The following KIAA1210 variants were observed in gnomAD, a reference collection of about 807,000 sequenced individuals.
KIAA1210 encodes the protein acrosomal protein KIAA1210.
Under a neutral mutation model 78.9 loss-of-function variants are expected in KIAA1210, and 48 were observed. The ratio of observed to expected loss-of-function variants is 0.61; its 90% CI spans 0.48 to 0.77. The LOEUF (loss-of-function observed/expected upper bound fraction) is 0.77, where lower values mean the gene tolerates loss of function less well. Among genes scored for constraint, KIAA1210 ranks in the 30% least tolerant of loss-of-function variants. The pLI is 0.00. For missense variants in KIAA1210, 1,108 were observed against 1,100.0 expected, an observed-to-expected ratio of 1.01 and a Z score of -0.10; for synonymous variants, 406 against 404.5, an observed-to-expected ratio of 1.00 and a Z score of -0.04.
rs758228331 is a variant in KIAA1210, at chrX:119,087,762, T to C, written c.2940A>G (p.Gln980=). Residue 980 remains glutamine (Q), a synonymous_variant, in exon 9 of 12, where the codon CAA becomes CAG. Coordinates refer to ENST00000691062, the MANE Select transcript of KIAA1210 (RefSeq NM_001394962.1). ...ACCTCTTTAAGAACTGGGTAGCATA[T>C]TGGGGAGGCAATGGACTCCCAGAAA... ...ADISGSPLPP[Q]YATQFLKRSK... is the part of the protein sequence containing the mutation. The C allele has an allele frequency of 5.0e-6, 6 of 1,210,279 alleles. No homozygotes were observed. Among genetic ancestry groups the C allele is most frequent in the East Asian group, 5.9e-5 (2 of 33,766 alleles).
At chrX:119,113,774 G>A (rs1393154017) in intron 3 of KIAA1210, among the ~76,000 whole-genome samples, 6 of 111,475 alleles carry the variant, frequency 5.4e-5, no homozygotes, top group East Asian at 2.8e-4. Context: ...GATTAGACAC[G>A]AAAAAATAAA....
intron 1 of KIAA1210, among the ~76,000 whole-genome samples, chrX:119,124,801 A>G (rs1051012434): frequency 9.1e-6 from 1 of 110,363 alleles, no homozygotes; most frequent in African/African-American, 3.3e-5. Flanking sequence ...AGGCGGGAGG[A>G]TCACTTGAAC....
chrX:119,080,797 T>G lies in KIAA1210; in HGVS notation c.*532A>C, dbSNP rs978820998. The G allele has an allele frequency of 8.9e-6, 1 of 112,550 alleles. No individual in the cohort carries two copies. The highest frequency in any genetic ancestry group is 1.9e-5 in the Non-Finnish European group (1 of 53,375). 9.3% of individuals were successfully genotyped at this position (112,550 alleles called of 1,213,427 possible). On this transcript the variant is annotated 3_prime_UTR_variant, in exon 12 of 12. Transcript: ENST00000691062. ...AGGTTAAGCATTCATGGCATTTATT[T>G]CATTCAAATAATTATGTTTTAATTT... is the stretch of plus-strand genomic sequence containing the variant.
At chrX:119,144,124 A>G (rs1002120556) in intron 2 of KIAA1210, among the ~76,000 whole-genome samples, 19 of 112,166 alleles carry the variant, frequency 1.7e-4, no homozygotes, top group Non-Finnish European at 2.8e-4. Flanking sequence ...CTCCTTCATT[A>G]GGAGCCTGGG....
chrX:119,085,263 G>T, intron 10 of KIAA1210, 120 bp downstream of exon 10: 1 of 656,526 alleles, frequency 1.5e-6, no homozygotes, highest in Non-Finnish European at 2.4e-6. Context: ...GAGTCCTCCT[G>T]CCTTGATTAA....
intron 2 of KIAA1210, among the ~76,000 whole-genome samples, chrX:119,122,971 A>T (rs1928514161): frequency 8.9e-6 from 1 of 112,540 alleles, no homozygotes; most frequent in Non-Finnish European, 1.9e-5. Context: ...GTTCAATTCA[A>T]TTCTGTCTTT....
intron 6 of KIAA1210, among the ~76,000 whole-genome samples, chrX:119,104,119 A>G (rs375489478): frequency 5.3e-5 from 6 of 112,349 alleles, no homozygotes; most frequent in African/African-American, 1.6e-4. Flanking sequence ...TCTGTATTTT[A>G]CTACAATAAA....
chrX:119,126,350 G>C (rs1161882757), intron 1 of KIAA1210, among the ~76,000 whole-genome samples: 1 of 112,148 alleles, frequency 8.9e-6, no homozygotes, highest in Non-Finnish European at 1.9e-5. Flanking sequence ...GTGGTGTCAA[G>C]ATTGCTTCAG....
At chrX:119,143,068 A>T (rs1929087695) in intron 2 of KIAA1210, among the ~76,000 whole-genome samples, 1 of 111,958 alleles carries the variant, frequency 8.9e-6, no homozygotes, top group African/African-American at 3.2e-5. Flanking sequence ...CACTCAATAC[A>T]TGTTCACTAT....
intron 6 of KIAA1210, among the ~76,000 whole-genome samples, chrX:119,104,764 A>G (rs369763545): frequency 1.8e-5 from 2 of 112,016 alleles, no homozygotes; most frequent in African/African-American, 6.5e-5. Context: ...TCTGCAAACT[A>G]TTATTTTTTC....
rs1349542684 is a variant in KIAA1210, at chrX:119,142,962, T to G, written c.410+4511A>C. Among the ~76,000 whole-genome samples, 3 of 110,846 alleles carry G rather than the reference T, an allele frequency of 2.7e-5. No homozygotes were observed. The East Asian group carries it at 8.5e-4, about 31-fold the overall frequency. On this transcript the variant is annotated intron_variant, in intron 2 of 13. Transcript: ENST00000402510. ...TCCCACTAGGCTTCACCTTCAACAC[T>G]GGGGATCAGGTTTCGACATGGGACT...
chrX:119,137,746 C>A (rs1236254492), intron 2 of KIAA1210, among the ~76,000 whole-genome samples: 2 of 112,312 alleles, frequency 1.8e-5, no homozygotes, highest in East Asian at 5.5e-4. Context: ...CAAGACAATT[C>A]TTCTTCCAAT....
At chrX:119,128,955 G>A (rs1382662593), upstream of KIAA1210, among the ~76,000 whole-genome samples, 1 of 112,448 alleles carries the variant, frequency 8.9e-6, no homozygotes, top group Non-Finnish European at 1.9e-5. Flanking sequence ...GATTACTGGC[G>A]TGAGCCACTG....
chrX:119,109,121 A>G lies in KIAA1210; in HGVS notation c.312T>C (p.Ser104=), dbSNP rs1603268205. 3 of 1,207,060 alleles carry G rather than the reference A, an allele frequency of 2.5e-6. No homozygotes were observed. In the Admixed American group the frequency reaches 6.6e-5, roughly 26 times the overall value. The stretch of plus-strand genomic sequence containing the variant: ...GGGGATCCATAGAAGGAAACATTTT[A>G]CTTGCTGATCTTTCAGGCTCAGGAC... The part of the protein sequence containing the change: ...MLGPEPERSA[S]KMFPSMDPQR... The change falls in exon 4 of 12, where the codon AGT becomes AGC. Residue 104 remains serine (S), a synonymous_variant. Transcript: ENST00000691062.
At chrX:119,124,532 GA>G (rs1928564585) in intron 1 of KIAA1210, among the ~76,000 whole-genome samples, 1 of 111,791 alleles carries the variant, frequency 8.9e-6, no homozygotes, top group African/African-American at 3.3e-5. Context: ...TGTGCCCAGG[GA>G]GACAAAATTG....
At chrX:119,105,265 A>T in intron 5 of KIAA1210, 118 bp from the exon 6 acceptor site, 1 of 744,778 alleles carries the variant, frequency 1.3e-6, no homozygotes, top group Non-Finnish European at 1.9e-6. Flanking sequence ...AAGGACTAAG[A>T]ATCCAAAGTG....
rs756016291 is a variant in KIAA1210 at position 119,105,002 on chromosome X, G to A, written c.638C>T (p.Thr213Ile). ...TTAATATATACTCACCTGAGTCGCT[G>A]TCAAACTCTTATGTGGTAAAGCCTT... ...QKKALPHKSLTATQSFSELSS... is the reference protein window; with the variant it reads ...QKKALPHKSLIATQSFSELSS... Residue 213 changes from threonine to isoleucine, a missense_variant, in exon 6 of 12, where the codon ACA becomes ATA. Around this residue, in one of 5 missense-constraint regions of KIAA1210, gnomAD observed 672 missense variants for 607.1 expected, o/e 1.11. Coordinates refer to ENST00000691062, the MANE Select transcript of KIAA1210 (RefSeq NM_001394962.1). 4 of 1,206,816 alleles carry A rather than the reference G, an allele frequency of 3.3e-6. No individual in the cohort carries two copies. The highest frequency in any genetic ancestry group is 4.5e-6 in the Non-Finnish European group (4 of 893,738).
rs1927259384 is a variant in KIAA1210, at chrX:119,088,752, G to T, written c.1950C>A (p.Ser650Arg). 8.3e-7 allele frequency: 1 copy of T among 1,209,306 alleles called. No individual in the cohort carries two copies. The highest frequency in any genetic ancestry group is 1.7e-5 in the African/African-American group (1 of 57,238). The change falls in exon 9 of 12, where the codon AGC becomes AGA. Residue 650 changes from serine (S) to arginine (R), a missense_variant. By Grantham distance (110) the Ser-to-Arg change is moderately radical (BLOSUM62 -1). Around this residue, in one of 5 missense-constraint regions of KIAA1210, gnomAD observed 672 missense variants for 607.1 expected, o/e 1.11. Coordinates refer to ENST00000691062, the MANE Select transcript of KIAA1210 (RefSeq NM_001394962.1). The stretch of plus-strand genomic sequence containing the variant: ...TGAGGTCCAGCTCCTCCTCAGAGCT[G>T]CTCAAGTCCTCAACAAAACTTTTTG... ...SESKSFVEDLSSSEEELDLRC... is the reference protein window; with the variant it reads ...SESKSFVEDLRSSEEELDLRC...
At chrX:119,138,211 GTTTTTTTTTTTTTT>G (rs759946882) in intron 2 of KIAA1210, among the ~76,000 whole-genome samples, 1 of 47,830 alleles carries the variant, frequency 2.1e-5, no homozygotes, top group South Asian at 1.6e-3. Flanking sequence ...TGGTTTGGTT[GTTTTTTTTTTTTTT>G]TTTTTTTTTT....
Sources: gnomAD v4.1 joint callset for allele counts (sites outside exome capture counted in the v4.1 genomes callset) on GRCh38, gnomAD v4.1.1 for gene constraint, gnomAD v4.1.1 regional missense constraint, MANE v1.5 for transcripts, NCBI Gene and HGNC (gene_info 2026-07-23, HGNC 2026-07-21) for gene names.